The following MBOAT2 variants were observed in gnomAD, a reference collection of about 807,000 sequenced individuals.
MBOAT2 encodes the protein membrane-bound glycerophospholipid O-acyltransferase 2.
In MBOAT2, 28 loss-of-function variants were observed where a neutral mutation model predicts 63.4. The observed-to-expected ratio is 0.44, with a 90% CI of 0.33 to 0.61. The LOEUF (loss-of-function observed/expected upper bound fraction) is 0.61. Ranked by LOEUF, MBOAT2 falls within the 20% of genes least tolerant of loss-of-function variation. The pLI is 0.03. For missense variants in MBOAT2, 470 were observed against 605.8 expected (o/e 0.78, Z 2.35); for synonymous variants, 211 against 215.6 (o/e 0.98, Z 0.19).
intron 3 of MBOAT2, among the ~76,000 whole-genome samples, chr2:8,921,025 G>A (rs898771432): frequency 2.0e-5 from 3 of 152,040 alleles, no homozygotes; most frequent in African/African-American, 7.2e-5. Context: ...ACAACATATA[G>A]TTAGATTTTT....
intron 1 of MBOAT2, among the ~76,000 whole-genome samples, chr2:8,966,613 G>A (rs751806573): frequency 1.3e-5 from 2 of 152,030 alleles, no homozygotes; most frequent in Non-Finnish European, 2.9e-5. Flanking sequence ...AAGATGATAG[G>A]GCCCAAAGGC....
intron 3 of MBOAT2, among the ~76,000 whole-genome samples, chr2:8,912,359 A>AAGAGAG (rs1340425166): frequency 2.1e-4 from 22 of 105,382 alleles, no homozygotes; most frequent in African/African-American, 8.1e-4. Context: ...AAGAGAAAGA[A>AAGAGAG]AGAAAGAAAG....
At chr2:8,907,826 T>C (rs779311003) in intron 4 of MBOAT2, among the ~76,000 whole-genome samples, 1 of 152,244 alleles carries the variant, frequency 6.6e-6, no homozygotes, top group Non-Finnish European at 1.5e-5. Context: ...TCTCTTGTTT[T>C]ATAGAAGTGA....
At chr2:8,951,489 G>A (rs1291757664) in intron 2 of MBOAT2, among the ~76,000 whole-genome samples, 1 of 152,160 alleles carries the variant, frequency 6.6e-6, no homozygotes, top group Non-Finnish European at 1.5e-5. Context: ...ACAAGTGTGA[G>A]CCACCGTGCC....
At chr2:8,922,922 A>G (rs1297725613) in intron 3 of MBOAT2, among the ~76,000 whole-genome samples, 1 of 152,230 alleles carries the variant, frequency 6.6e-6, no homozygotes. Context: ...CTTTCACTCC[A>G]AATCAAGTCA....
intron 2 of MBOAT2, among the ~76,000 whole-genome samples, chr2:8,951,704 T>C (rs1668847505): frequency 1.3e-5 from 2 of 152,230 alleles, no homozygotes; most frequent in South Asian, 4.1e-4. Flanking sequence ...CTAGATTTTC[T>C]AGTTTGTGTG....
chr2:8,953,219 GA>G (rs1668968229), intron 2 of MBOAT2, among the ~76,000 whole-genome samples: 1 of 152,168 alleles, frequency 6.6e-6, no homozygotes, highest in African/African-American at 2.4e-5. Context: ...CTTCACTTAA[GA>G]AGTTTAGTTT....
chr2:8,873,034 A>G (rs1232649732), intron 8 of MBOAT2, 74 bp downstream of exon 8: 3 of 1,393,690 alleles, frequency 2.2e-6, no homozygotes, highest in African/African-American at 1.4e-5. Context: ...AAGAGGGCGC[A>G]CTGATAGCAA....
chr2:8,880,432 G>A (rs1442038302), intron 6 of MBOAT2, among the ~76,000 whole-genome samples: 1 of 152,136 alleles, frequency 6.6e-6, no homozygotes, highest in African/African-American at 2.4e-5. Flanking sequence ...GAAGGAGGAG[G>A]GAGACAAATC....
intron 10 of MBOAT2, among the ~76,000 whole-genome samples, chr2:8,863,041 T>C (rs943010855): frequency 4.6e-5 from 7 of 152,194 alleles, no homozygotes; most frequent in African/African-American, 1.7e-4. Context: ...GCTTTTATCC[T>C]ACATTATTTT....
rs1672832426 is a variant in MBOAT2, at chr2:9,003,194, C to G, written c.75+346G>C. Among the ~76,000 whole-genome samples, 1 of 152,096 alleles carries G rather than the reference C, an allele frequency of 6.6e-6. No individual in the cohort carries two copies. Among genetic ancestry groups the G allele is most frequent in the Non-Finnish European group, 1.5e-5 (1 of 67,998 alleles). ...GGTCCATGCGCACCGGGGGCTGCTC[C>G]GGGACCCGACCACCGGATCCGAGCG... On this transcript the variant is annotated intron_variant, in intron 1 of 12. Coordinates refer to ENST00000305997, the MANE Select transcript of MBOAT2 (RefSeq NM_138799.4). The surrounding 1 kb of genome is among the most constrained non-coding windows in gnomAD (Gnocchi z 5.4).
Position 8,857,263 on chromosome 2 carries a change from C to T in MBOAT2, c.*1416G>A, listed in dbSNP as rs1661159111. 6.6e-6 allele frequency: 1 copy of T among 152,584 alleles called. No homozygotes were observed. The highest frequency in any genetic ancestry group is 2.4e-5 in the African/African-American group (1 of 41,426). 9.5% of individuals were successfully genotyped at this position (152,584 alleles called of 1,614,324 possible). A position where few individuals can be genotyped will look rare whatever the true frequency, so the allele number is the denominator to read the frequency against. ...CAAAGGTGAAGTCAGAAGGCTTTGCCCCCTCCCCTCCTACAGGGCAGGAGG... is the reference window on the plus strand; with the variant it reads ...CAAAGGTGAAGTCAGAAGGCTTTGCTCCCTCCCCTCCTACAGGGCAGGAGG... On this transcript the variant is annotated 3_prime_UTR_variant, in exon 13 of 13. Coordinates refer to ENST00000305997, the MANE Select transcript of MBOAT2 (RefSeq NM_138799.4).
intron 3 of MBOAT2, among the ~76,000 whole-genome samples, chr2:8,927,383 GAATTT>G (rs1667002438): frequency 6.6e-6 from 1 of 152,174 alleles, no homozygotes; most frequent in Non-Finnish European, 1.5e-5. Context: ...TAAAGTGAAT[GAATTT>G]AATAAGGCAA....
chr2:8,867,303 C>G (rs1180673559), intron 9 of MBOAT2, among the ~76,000 whole-genome samples: 5 of 152,144 alleles, frequency 3.3e-5, no homozygotes, highest in Admixed American at 3.3e-4. Flanking sequence ...AGGTGTGAGC[C>G]ACAGAGCCCT....
Position 8,943,204 on chromosome 2 carries a change from T to G in MBOAT2, c.282A>C (p.Gly94=), listed in dbSNP as rs768597300. The G allele has an allele frequency of 1.3e-6, 2 of 1,571,368 alleles. No individual in the cohort carries two copies. The highest frequency in any genetic ancestry group is 2.7e-5 in the African/African-American group (2 of 74,298). ...GISYCIMIII[G]VENMHNYCFV... is the part of the protein sequence containing the mutation. ...ATACTTACTTGTGCATGTTCTCCAC[T>G]CCTATGATGATCATGATACAGTAGG... Residue 94 remains glycine, a synonymous_variant, in exon 3 of 13, where the codon GGA becomes GGC. Transcript: ENST00000305997.
At chr2:8,885,162 G>T (rs1663455622) in intron 5 of MBOAT2, among the ~76,000 whole-genome samples, 1 of 152,142 alleles carries the variant, frequency 6.6e-6, no homozygotes, top group South Asian at 2.1e-4. Flanking sequence ...GTATGAATAG[G>T]TAAAAGAAAA....
chr2:8,899,026 A>G (rs1288526604), intron 4 of MBOAT2, among the ~76,000 whole-genome samples: 2 of 152,186 alleles, frequency 1.3e-5, no homozygotes, highest in Admixed American at 6.5e-5. Flanking sequence ...ACGTTTAACA[A>G]TATCTTGCAA....
intron 3 of MBOAT2, among the ~76,000 whole-genome samples, chr2:8,923,363 C>A (rs541071086): frequency 4.9e-4 from 75 of 152,274 alleles, no homozygotes; most frequent in African/African-American, 1.8e-3. Flanking sequence ...TTCAGAGTAG[C>A]ACTTTGGCAG....
At chr2:8,938,502 C>A (rs990326145) in intron 3 of MBOAT2, among the ~76,000 whole-genome samples, 1 of 151,426 alleles carries the variant, frequency 6.6e-6, no homozygotes, top group African/African-American at 2.4e-5. Context: ...CGTTTCATGC[C>A]GCCACATTTT....
Sources: gnomAD v4.1 joint callset for allele counts (sites outside exome capture counted in the v4.1 genomes callset) on GRCh38, gnomAD v4.1.1 for gene constraint, Gnocchi (gnomAD v3.1) non-coding constraint, MANE v1.5 for transcripts, NCBI Gene and HGNC (gene_info 2026-07-23, HGNC 2026-07-21) for gene names.